Variants in PABPC4L observed in about 807,000 individuals in gnomAD.
The protein encoded by PABPC4L is polyadenylate-binding protein 4-like.
For synonymous variants in PABPC4L, 169 were observed against 164.1 expected (o/e 1.03, Z -0.23); for missense variants, 452 against 451.4 (o/e 1.00, Z -0.01).
the PABPC4L span, among the ~76,000 whole-genome samples, chr4:134,095,042 AT>A: frequency 2.6e-5 from 4 of 151,798 alleles, no homozygotes; most frequent in Admixed American, 2.6e-4. Flanking sequence ...TCAGTCTCTT[AT>A]AGTTTATTAT....
the PABPC4L span, among the ~76,000 whole-genome samples, chr4:134,162,338 T>C: frequency 6.6e-6 from 1 of 152,090 alleles, no homozygotes; most frequent in African/African-American, 2.4e-5. Flanking sequence ...TATATGCACC[T>C]AACTCTGCAG....
the PABPC4L span, among the ~76,000 whole-genome samples, chr4:134,135,622 G>A: frequency 1.7e-4 from 26 of 151,948 alleles, no homozygotes; most frequent in East Asian, 3.9e-3. Flanking sequence ...ACCTGAGGTC[G>A]GGAGTTTGAG....
the PABPC4L span, among the ~76,000 whole-genome samples, chr4:134,118,951 T>C: frequency 1.4e-5 from 2 of 147,012 alleles, no homozygotes; most frequent in East Asian, 3.9e-4. Context: ...GTGTCTTGTT[T>C]TATAGCATGA....
chr4:134,138,120 A>G, the PABPC4L span, among the ~76,000 whole-genome samples: 2 of 151,776 alleles, frequency 1.3e-5, no homozygotes, highest in Non-Finnish European at 2.9e-5. Flanking sequence ...AAACAGCATT[A>G]AAGTCTGCAT....
chr4:134,058,238 T>A, the PABPC4L span, among the ~76,000 whole-genome samples: 1 of 152,094 alleles, frequency 6.6e-6, no homozygotes, highest in East Asian at 1.9e-4. Context: ...AAAACATACT[T>A]AAATAAATTG....
chr4:134,139,021 A>G, the PABPC4L span, among the ~76,000 whole-genome samples: 3 of 151,930 alleles, frequency 2.0e-5, no homozygotes, highest in Non-Finnish European at 4.4e-5. Context: ...CATTTACAAT[A>G]TCATTAAATC....
the PABPC4L span, among the ~76,000 whole-genome samples, chr4:134,026,575 C>A: frequency 6.6e-6 from 1 of 152,112 alleles, no homozygotes; most frequent in Non-Finnish European, 1.5e-5. Flanking sequence ...CTTGTGTATT[C>A]CCTCTCTGAA....
the PABPC4L span, among the ~76,000 whole-genome samples, chr4:134,079,310 G>A: frequency 4.6e-5 from 7 of 151,056 alleles, no homozygotes; most frequent in Admixed American, 2.6e-4. Flanking sequence ...AGCCGGGTGC[G>A]GTGGCTCACG....
At chr4:134,009,552 G>C in the PABPC4L span, among the ~76,000 whole-genome samples, 1 of 152,074 alleles carries the variant, frequency 6.6e-6, no homozygotes, top group East Asian at 1.9e-4. Flanking sequence ...CATAATCACT[G>C]TTCTGCAATT....
chr4:134,172,989 G>A, the PABPC4L span, among the ~76,000 whole-genome samples: 5 of 151,524 alleles, frequency 3.3e-5, no homozygotes, highest in East Asian at 9.7e-4. Flanking sequence ...TTAGATAGAT[G>A]CATATAAAAA....
the PABPC4L span, among the ~76,000 whole-genome samples, chr4:134,034,808 G>GA: frequency 6.6e-6 from 1 of 151,842 alleles, no homozygotes; most frequent in African/African-American, 2.4e-5. Flanking sequence ...GGTCTCTACT[G>GA]GTGATCATGA....
chr4:134,149,483 T>C, the PABPC4L span, among the ~76,000 whole-genome samples: 8 of 152,160 alleles, frequency 5.3e-5, no homozygotes, highest in Non-Finnish European at 2.9e-5. Context: ...CGTTGCCCAT[T>C]GAAAACAGGC....
the PABPC4L span, among the ~76,000 whole-genome samples, chr4:133,950,543 A>T: frequency 2.0e-5 from 3 of 152,200 alleles, no homozygotes; most frequent in Admixed American, 6.5e-5. Context: ...TTTGTGCAGC[A>T]TGAACATTAG....
chr4:134,084,952 A>C, the PABPC4L span, among the ~76,000 whole-genome samples: 1 of 152,110 alleles, frequency 6.6e-6, no homozygotes. Flanking sequence ...ACCCTCAGCA[A>C]AGGGAAAGGG....
the PABPC4L span, among the ~76,000 whole-genome samples, chr4:134,136,874 T>G: frequency 1.3e-5 from 2 of 152,028 alleles, no homozygotes; most frequent in Non-Finnish European, 2.9e-5. Context: ...TCCTTCCCAC[T>G]GAGGACAGTT....
chr4:134,092,600 T>C, the PABPC4L span, among the ~76,000 whole-genome samples: 2 of 152,140 alleles, frequency 1.3e-5, no homozygotes, highest in South Asian at 4.1e-4. Flanking sequence ...AGGGCATTGT[T>C]TGAAACACAC....
the PABPC4L span, among the ~76,000 whole-genome samples, chr4:134,001,670 T>C: frequency 6.6e-6 from 1 of 152,244 alleles, no homozygotes; most frequent in African/African-American, 2.4e-5. Flanking sequence ...CAAGATGGAA[T>C]CTGTGGCATA....
chr4:134,060,461 A>G, the PABPC4L span, among the ~76,000 whole-genome samples: 28,209 of 151,036 alleles, frequency 0.19, 3,250 homozygotes, highest in Admixed American at 0.25. Context: ...GGAGAGGAAA[A>G]GAAAGAGTAA....
the PABPC4L span, among the ~76,000 whole-genome samples, chr4:134,170,709 A>G: frequency 6.3e-3 from 958 of 152,268 alleles, 7 homozygotes; most frequent in African/African-American, 0.022. Context: ...ACCAATCATG[A>G]GAAATCCATT....
Sources: gnomAD v4.1 joint callset for allele counts (sites outside exome capture counted in the v4.1 genomes callset) on GRCh38, gnomAD v4.1.1 for gene constraint, MANE v1.5 for transcripts, NCBI Gene and HGNC (gene_info 2026-07-23, HGNC 2026-07-21) for gene names.